The following VSIG10 variants were observed in gnomAD, a reference collection of about 807,000 sequenced individuals.
VSIG10 encodes the protein V-set and immunoglobulin domain containing 10.
Under a neutral mutation model 58.7 loss-of-function variants are expected in VSIG10, and 48 were observed. The ratio of observed to expected loss-of-function variants is 0.82; its 90% CI spans 0.65 to 1.04. The LOEUF (loss-of-function observed/expected upper bound fraction) is 1.04. Among genes scored for constraint, VSIG10 ranks in the 50% least tolerant of loss-of-function variants. The pLI is 0.00. For missense variants in VSIG10, 628 were observed against 670.0 expected, an observed-to-expected ratio of 0.94 and a Z score of 0.69; for synonymous variants, 260 against 267.1, an observed-to-expected ratio of 0.97 and a Z score of 0.26.
Position 118,063,752 on chromosome 12 carries a change from G to C in VSIG10, c.*2887C>G, listed in dbSNP as rs1199931156. ...AGCAGTTCCTGGCCAGTCCCAACGT[G>C]AGAAATATCAGTTGGCACTTATTGC... is the stretch of plus-strand genomic sequence containing the variant. On this transcript the variant is annotated 3_prime_UTR_variant, in exon 9 of 9. Coordinates refer to ENST00000359236, the MANE Select transcript of VSIG10 (RefSeq NM_019086.6). 1 of 152,172 alleles carries C rather than the reference G, an allele frequency of 6.6e-6. No homozygotes were observed. The highest frequency in any genetic ancestry group is 2.4e-5 in the African/African-American group (1 of 41,442). The allele number at this position is 152,172 out of a possible 1,614,324, so 9.4% of individuals were successfully genotyped here. A position where few individuals can be genotyped will look rare whatever the true frequency, so the allele number is the denominator to read the frequency against.
chr12:118,102,109 C>T (rs1178482348), intron 1 of VSIG10: 1 of 152,240 alleles, frequency 6.6e-6, no homozygotes, highest in Non-Finnish European at 1.5e-5. Context: ...GAGCCTGGCT[C>T]GAAAAAAATA....
chr12:118,085,748 G>A (rs1405098711), intron 2 of VSIG10, among the ~76,000 whole-genome samples: 1 of 151,154 alleles, frequency 6.6e-6, no homozygotes. Context: ...TGTAGTCCCA[G>A]CTACTTGGGA....
chr12:118,068,275 T>G, intron 8 of VSIG10, 102 bp downstream of exon 8: 2 of 1,169,696 alleles, frequency 1.7e-6, no homozygotes, highest in Non-Finnish European at 2.4e-6. Flanking sequence ...GCTTAAGTGA[T>G]CTTCCCACCT....
At position 118,095,777 on chromosome 12, in the gene VSIG10, A is replaced by T. The variant is rs548567900; in HGVS notation, c.117T>A (p.Asn39Lys). The T allele has an allele frequency of 5.0e-6, 8 of 1,612,406 alleles. No individual in the cohort carries two copies. The highest frequency in any genetic ancestry group is 6.8e-6 in the Non-Finnish European group (8 of 1,179,260). The change falls in exon 2 of 9, where the codon AAT becomes AAA. Residue 39 changes from asparagine to lysine, a missense_variant. Transcript: ENST00000359236. ...EAVVIGEVHE[N>K]VTLHCGNISG... ...AGATGTTGCCACAGTGCAGAGTAAC[A>T]TTCTCATGAACTTCTCCAATGACAA...
intron 1 of VSIG10, among the ~76,000 whole-genome samples, chr12:118,099,329 G>A (rs1200730445): frequency 6.6e-6 from 1 of 151,896 alleles, no homozygotes; most frequent in Non-Finnish European, 1.5e-5. Context: ...TGGGGTGGGG[G>A]GTCTCACTAT....
chr12:118,103,648 G>A lies in VSIG10; in HGVS notation c.24C>T (p.Pro8=). The A allele has an allele frequency of 2.0e-6, 3 of 1,504,302 alleles. No individual in the cohort carries two copies. Among genetic ancestry groups the A allele is most frequent in the East Asian group, 2.8e-5 (1 of 35,866 alleles). The allele number at this position is 1,504,302 out of a possible 1,614,324, so 93.2% of individuals were successfully genotyped here. The change falls in exon 1 of 9, where the codon CCC becomes CCT. Residue 8 remains proline (P), a synonymous_variant. Transcript: ENST00000359236. MAAGGSA[P]EPRVLVCLGA... ...CGAGGCAGACGAGGACGCGGGGCTC[G>A]GGCGCACTGCCGCCTGCGGCCATCT... is the stretch of plus-strand genomic sequence containing the variant.
Position 118,082,380 on chromosome 12 carries a change from G to A in VSIG10, c.411C>T (p.Pro137=). 6.2e-7 allele frequency: 1 copy of A among 1,613,752 alleles called. No homozygotes were observed. The highest frequency in any genetic ancestry group is 8.5e-7 in the Non-Finnish European group (1 of 1,179,768). Residue 137 remains proline (P), a synonymous_variant, in exon 3 of 9, where the codon CCC becomes CCT. Coordinates refer to ENST00000359236, the MANE Select transcript of VSIG10 (RefSeq NM_019086.6). ...CCCTGGCTGCGTAGAGGGTGCCGTT[G>A]GGGAGTGTGCCGGTGGCCACGATGT... is the stretch of plus-strand genomic sequence containing the variant. The part of the protein sequence containing the change: ...EVHIVATGTL[P]NGTLYAARGS...
intron 1 of VSIG10, chr12:118,103,322 C>G: frequency 2.8e-6 from 1 of 354,848 alleles, no homozygotes; most frequent in Non-Finnish European, 5.0e-6. Context: ...TTTGCCCCCG[C>G]ACGTCGGCTC....
rs1383143226 is a variant in VSIG10, at chr12:118,082,125, A to C, written c.664+2T>G. On this transcript the variant is annotated splice_donor_variant, in intron 3 of 8. Coordinates refer to ENST00000359236, the MANE Select transcript of VSIG10 (RefSeq NM_019086.6). LOFTEE classifies it high-confidence loss of function. ...CGGGGCAGAGGAGTGCTGCTTACGC[A>C]CAGTAGACCAGGAGCTCGGTGGTCA... is the stretch of plus-strand genomic sequence containing the variant. 1.2e-6 allele frequency: 2 copies of C among 1,612,836 alleles called. No homozygotes were observed. The highest frequency in any genetic ancestry group is 8.5e-7 in the Non-Finnish European group (1 of 1,179,150).
intron 5 of VSIG10, among the ~76,000 whole-genome samples, chr12:118,071,891 C>T (rs1196253051): frequency 2.6e-5 from 4 of 152,342 alleles, no homozygotes; most frequent in Non-Finnish European, 5.9e-5. Flanking sequence ...TACTAGAGCC[C>T]GGGCGCAGTG....
intron 8 of VSIG10, among the ~76,000 whole-genome samples, chr12:118,068,047 T>TTTTA (rs2032319392): frequency 7.2e-6 from 1 of 138,292 alleles, no homozygotes. Context: ...TTTTTTTTTC[T>TTTTA]GAGGCAGGTT....
intron 4 of VSIG10, among the ~76,000 whole-genome samples, chr12:118,074,720 C>A (rs1329717440): frequency 6.6e-6 from 1 of 151,182 alleles, no homozygotes; most frequent in Non-Finnish European, 1.5e-5. Context: ...CTCAGGTGAT[C>A]CACTTGCCTT....
At position 118,079,545 on chromosome 12, in the gene VSIG10, C is replaced by G. The variant is rs924865818; in HGVS notation, c.726G>C (p.Gln242His). 4.3e-6 allele frequency: 7 copies of G among 1,613,912 alleles called. No individual in the cohort carries two copies. The highest frequency in any genetic ancestry group is 5.9e-6 in the Non-Finnish European group (7 of 1,179,910). The stretch of plus-strand genomic sequence containing the variant: ...ATCCCCCATCCCAGCGACAGGTAAG[C>G]TGCAACATGAACGATCCTGATGCCA... ...AQMASGSFMLQLTCRWDGGYP... is the reference protein window; with the variant it reads ...AQMASGSFMLHLTCRWDGGYP... Residue 242 changes from glutamine (Q) to histidine (H), a missense_variant, in exon 4 of 9, where the codon CAG becomes CAC. Gln to His is a conservative substitution (Grantham distance 24, BLOSUM62 0). Transcript: ENST00000359236.
chr12:118,082,973 C>T lies in VSIG10; in HGVS notation c.362-544G>A, dbSNP rs577357942. Among the ~76,000 whole-genome samples the T allele has an allele frequency of 4.0e-5, 6 of 151,652 alleles. 1 individual carries two copies. The East Asian group carries it at 7.8e-4, about 20-fold the overall frequency. Reference sequence around the variant, plus strand: ...ACTAAAAATACAAAAATCAGCTGGGCGTGGTCGCGCATGCCTGTAATCCCA... The same window carrying T: ...ACTAAAAATACAAAAATCAGCTGGGTGTGGTCGCGCATGCCTGTAATCCCA... On this transcript the variant is annotated intron_variant, in intron 2 of 8. Transcript: ENST00000359236.
At chr12:118,094,431 T>G (rs1250994930) in intron 2 of VSIG10, among the ~76,000 whole-genome samples, 2 of 152,202 alleles carry the variant, frequency 1.3e-5, no homozygotes, top group Non-Finnish European at 2.9e-5. Context: ...TTGCCCAGGC[T>G]GGAGTGCAGT....
intron 8 of VSIG10, among the ~76,000 whole-genome samples, chr12:118,067,263 A>G (rs931774835): frequency 3.2e-4 from 48 of 152,174 alleles, no homozygotes; most frequent in African/African-American, 1.0e-3. Flanking sequence ...AGCTCCAGCG[A>G]TCCACCCACT....
At position 118,103,480 on chromosome 12, in the gene VSIG10, G is replaced by A. The variant is rs562083001; in HGVS notation, c.79+113C>T. On this transcript the variant is annotated intron_variant, in intron 1 of 8. Transcript: ENST00000359236. ...AAGACCCTCCTGGGGCAGCTTCTAG[G>A]CTGGGGCCACCACGGATCCGGGCGG... is the stretch of plus-strand genomic sequence containing the variant. 9 of 1,133,630 alleles carry A rather than the reference G, an allele frequency of 7.9e-6. No individual in the cohort carries two copies. In the South Asian group the frequency reaches 1.4e-4, roughly 17 times the overall value. 70.2% of individuals were successfully genotyped at this position (1,133,630 alleles called of 1,614,324 possible).
At chr12:118,099,440 C>T (rs952537638) in intron 1 of VSIG10, among the ~76,000 whole-genome samples, 5 of 151,982 alleles carry the variant, frequency 3.3e-5, no homozygotes, top group Non-Finnish European at 7.4e-5. Context: ...CTGCCACGCC[C>T]AGCCAACCCT....
rs1227355607 is a variant in VSIG10 at position 118,103,688 on chromosome 12, GC to G, written c.-18del. 1.4e-6 allele frequency: 2 copies of G among 1,478,300 alleles called. No individual in the cohort carries two copies. Among genetic ancestry groups the G allele is most frequent in the Admixed American group, 4.7e-5 (2 of 42,892 alleles). The allele number at this position is 1,478,300 out of a possible 1,614,324, so 91.6% of individuals were successfully genotyped here. A position where few individuals can be genotyped will look rare whatever the true frequency, so the allele number is the denominator to read the frequency against. On this transcript the variant is annotated 5_prime_UTR_variant, in exon 1 of 9. Transcript: ENST00000359236. Reference sequence around the variant, plus strand: ...TGCGGCCATCTCGCCCCAGATCCCGGCTCAGGAAACGCAGGCTCGGGCTGGG... The same window carrying G: ...TGCGGCCATCTCGCCCCAGATCCCGGTCAGGAAACGCAGGCTCGGGCTGGG...
Sources: gnomAD v4.1 joint callset for allele counts (sites outside exome capture counted in the v4.1 genomes callset) on GRCh38, gnomAD v4.1.1 for gene constraint, MANE v1.5 for transcripts, NCBI Gene and HGNC (gene_info 2026-07-23, HGNC 2026-07-21) for gene names.